The following SPATC1 variants were observed in gnomAD, a reference collection of about 807,000 sequenced individuals.
SPATC1 encodes spermatogenesis and centriole associated 1, also known as speriolin.
SPATC1 carries 35 observed loss-of-function variants against 36.5 expected under a neutral mutation model. The ratio of observed to expected loss-of-function variants is 0.96; its 90% CI spans 0.73 to 1.27. SPATC1 has a LOEUF of 1.27. Ranked by LOEUF, SPATC1 falls within the 50% of genes most tolerant of loss-of-function variation. The pLI is 0.00. For missense variants in SPATC1, 779 were observed against 796.0 expected, an observed-to-expected ratio of 0.98 and a Z score of 0.26; for synonymous variants, 361 against 353.6, an observed-to-expected ratio of 1.02 and a Z score of -0.24.
At chr8:144,014,374 AGAGGAG>A in intron 1 of SPATC1, among the ~76,000 whole-genome samples, 1 of 141,030 alleles carries the variant, frequency 7.1e-6, no homozygotes, top group East Asian at 2.0e-4. Flanking sequence ...GAAGGAAAAG[AGAGGAG>A]GAGGAGGAGA....
chr8:144,035,209 A>T (rs1834874228), intron 1 of SPATC1, among the ~76,000 whole-genome samples: 1 of 152,038 alleles, frequency 6.6e-6, no homozygotes, highest in Non-Finnish European at 1.5e-5. Flanking sequence ...TCCCCCATCA[A>T]CTCTGTCCAC....
chr8:144,032,033 ATT>A (rs1191283553), intron 1 of SPATC1, among the ~76,000 whole-genome samples: 1 of 148,736 alleles, frequency 6.7e-6, no homozygotes, highest in African/African-American at 2.5e-5. Context: ...TTCTACAAAT[ATT>A]TTTTTTTTCT....
At chr8:144,017,617 A>T (rs1440206194) in intron 1 of SPATC1, among the ~76,000 whole-genome samples, 4 of 152,206 alleles carry the variant, frequency 2.6e-5, no homozygotes, top group Non-Finnish European at 4.4e-5. Flanking sequence ...AGCTCTCTCC[A>T]ATCTACCACA....
chr8:144,012,372 C>A lies in SPATC1; in HGVS notation c.-144C>A. Reference sequence around the variant, plus strand: ...GAGAGGGCAAGGAAGAGGGCACAGCCTCTGACCTCACAATACCCAGGGCCC... The same window carrying A: ...GAGAGGGCAAGGAAGAGGGCACAGCATCTGACCTCACAATACCCAGGGCCC... On this transcript the variant is annotated 5_prime_UTR_variant, in exon 1 of 5. Transcript: ENST00000377470. 1 of 669,006 alleles carries A rather than the reference C, an allele frequency of 1.5e-6. No individual in the cohort carries two copies. The highest frequency in any genetic ancestry group is 2.6e-6 in the Non-Finnish European group (1 of 382,358). The allele number at this position is 669,006 out of a possible 1,614,324, so 41.4% of individuals were successfully genotyped here.
chr8:144,030,850 G>C (rs1259358397), intron 1 of SPATC1, among the ~76,000 whole-genome samples: 2 of 151,894 alleles, frequency 1.3e-5, no homozygotes, highest in African/African-American at 4.8e-5. Context: ...ATTTATAACA[G>C]TCTAGTTCAA....
In SPATC1 at chr8:144,037,138, G is replaced by A. The variant is rs1350908767; in HGVS notation, c.212-2771G>A. 5.5e-4 allele frequency among the ~76,000 whole-genome samples: 68 copies of A among 124,082 alleles called. 2 individuals are homozygous for A. In the South Asian group the frequency reaches 0.016, roughly 29 times the overall value. The allele number at this position is 124,082 out of a possible 152,430, so 81.4% of individuals were successfully genotyped here. ...GCCCGGCAAGCCGCCCCGTCCGGGA[G>A]GGAGGTGGGGGGGTCAGCCCCCCAC... On this transcript the variant is annotated intron_variant, in intron 1 of 4. Coordinates refer to ENST00000377470, the MANE Select transcript of SPATC1 (RefSeq NM_198572.3).
rs143042798 is a variant in SPATC1 at position 144,016,881 on chromosome 8, C to T, written c.211+4155C>T. Among the ~76,000 whole-genome samples, 55 of 152,260 alleles carry T rather than the reference C, an allele frequency of 3.6e-4. 1 individual carries two copies. Among genetic ancestry groups the T allele is most frequent in the East Asian group, 1.7e-3 (9 of 5,172 alleles). On this transcript the variant is annotated intron_variant, in intron 1 of 4. Coordinates refer to ENST00000377470, the MANE Select transcript of SPATC1 (RefSeq NM_198572.3). This position sits in a 1 kb window ranked among gnomAD's most constrained non-coding sequence, Gnocchi z 4.5. ...CTCAAACTCCCGACTTCAGGTGATC[C>T]GCCCACCTTGGCCTCCCAAAGTGCT... is the stretch of plus-strand genomic sequence containing the variant.
rs947316185 is a variant in SPATC1 at position 144,045,028 on chromosome 8, G to A, written c.1447-1599G>A. Among the ~76,000 whole-genome samples, 14 of 152,244 alleles carry A rather than the reference G, an allele frequency of 9.2e-5. No homozygotes were observed. Among genetic ancestry groups the A allele is most frequent in the African/African-American group, 3.4e-4 (14 of 41,470 alleles). The stretch of plus-strand genomic sequence containing the variant: ...TCCCCCAAGGTGGGGGCCCCTGCGT[G>A]CCCTGGTGCTCAGTGCTCACTGGGG... On this transcript the variant is annotated intron_variant, in intron 4 of 4. Transcript: ENST00000377470. This position sits in a 1 kb window ranked among gnomAD's most constrained non-coding sequence, Gnocchi z 5.2.
intron 1 of SPATC1, among the ~76,000 whole-genome samples, chr8:144,037,670 G>T (rs1260221008): frequency 1.3e-5 from 2 of 151,884 alleles, no homozygotes; most frequent in Non-Finnish European, 2.9e-5. Context: ...CAAACACTGT[G>T]GAAGGCCGCA....
At chr8:144,015,482 C>A (rs1208928800) in intron 1 of SPATC1, among the ~76,000 whole-genome samples, 2 of 150,860 alleles carry the variant, frequency 1.3e-5, no homozygotes, top group African/African-American at 4.9e-5. Flanking sequence ...TGGCTCACGC[C>A]TATAATCCCA....
In SPATC1 at chr8:144,016,361, C is replaced by CTG. The variant is rs1176124590; in HGVS notation, c.211+3648_211+3649dup. On this transcript the variant is annotated intron_variant, in intron 1 of 4. Transcript: ENST00000377470. The surrounding 1 kb of genome is among the most constrained non-coding windows in gnomAD (Gnocchi z 4.5). ...TATGGCTCTGTGTGTGTGTGAGTTG[C>CTG]TGTGTGTGTGTGTGAATGTATGTGA... Among the ~76,000 whole-genome samples the CTG allele has an allele frequency of 2.7e-5, 4 of 150,506 alleles. No homozygotes were observed. The highest frequency in any genetic ancestry group is 7.3e-5 in the African/African-American group (3 of 40,952).
intron 1 of SPATC1, among the ~76,000 whole-genome samples, chr8:144,018,877 C>CAAAAAAAAAAAAA (rs1165770098): frequency 9.3e-5 from 9 of 96,606 alleles, no homozygotes; most frequent in African/African-American, 3.3e-4. Context: ...ACTAAAAATA[C>CAAAAAAAAAAAAA]AAAAAAAAAA....
In SPATC1 at chr8:144,040,675, A is replaced by C; in HGVS notation, c.874A>C (p.Thr292Pro). The change falls in exon 3 of 5, where the codon ACA becomes CCA. Residue 292 changes from threonine (T) to proline (P), a missense_variant. By Grantham distance (38) the Thr-to-Pro change is conservative. Coordinates refer to ENST00000377470, the MANE Select transcript of SPATC1 (RefSeq NM_198572.3). ...QTSTPIGAMG[T>P]PAPKTAFSFN... ...CTCCACCCCTATCGGAGCCATGGGCACACCTGCTCCCAAGACGGCCTTCTC... is the reference window on the plus strand; with the variant it reads ...CTCCACCCCTATCGGAGCCATGGGCCCACCTGCTCCCAAGACGGCCTTCTC... The C allele has an allele frequency of 6.2e-7, 1 of 1,613,150 alleles. No homozygotes were observed. Among genetic ancestry groups the C allele is most frequent in the Non-Finnish European group, 8.5e-7 (1 of 1,179,836 alleles).
intron 1 of SPATC1, among the ~76,000 whole-genome samples, chr8:144,030,978 T>A (rs1834781647): frequency 6.6e-6 from 1 of 152,210 alleles, no homozygotes. Flanking sequence ...TTATACAGTA[T>A]GTGCACACTA....
chr8:144,022,844 T>A (rs1834567233), intron 1 of SPATC1, among the ~76,000 whole-genome samples: 1 of 151,086 alleles, frequency 6.6e-6, no homozygotes, highest in African/African-American at 2.4e-5. Context: ...CCTTCTTCCC[T>A]GAGGACCCTC....
At position 144,040,397 on chromosome 8, in the gene SPATC1, C is replaced by A; in HGVS notation, c.700C>A (p.Pro234Thr). The change falls in exon 2 of 5, where the codon CCA becomes ACA. Residue 234 changes from proline (P) to threonine (T), a missense_variant. Pro to Thr is a conservative substitution (Grantham distance 38). Transcript: ENST00000377470. ...PEAPRLRLAE[P>T]LRGGPTGPQS... Reference sequence around the variant, plus strand: ...GGCCCCAAGGCTGCGGCTGGCTGAGCCACTCCGCGGAGGCCCCACTGGGCC... The same window carrying A: ...GGCCCCAAGGCTGCGGCTGGCTGAGACACTCCGCGGAGGCCCCACTGGGCC... 6.2e-7 allele frequency: 1 copy of A among 1,611,930 alleles called. No individual in the cohort carries two copies.
chr8:144,037,471 A>C (rs1834932989), intron 1 of SPATC1, among the ~76,000 whole-genome samples: 1 of 152,088 alleles, frequency 6.6e-6, no homozygotes, highest in South Asian at 2.1e-4. Context: ...TGCCTGTACT[A>C]AGAAAAATTC....
intron 1 of SPATC1, among the ~76,000 whole-genome samples, chr8:144,025,620 T>A (rs1834661694): frequency 6.6e-6 from 1 of 152,122 alleles, no homozygotes; most frequent in South Asian, 2.1e-4. Flanking sequence ...AAGCTAACAG[T>A]GGGTGTCTGT....
At chr8:144,034,953 G>C (rs2133132364) in intron 1 of SPATC1, among the ~76,000 whole-genome samples, 1 of 152,238 alleles carries the variant, frequency 6.6e-6, no homozygotes, top group East Asian at 1.9e-4. Context: ...TCCTACACTT[G>C]ATGTAACAAT....
Sources: gnomAD v4.1 joint callset for allele counts (sites outside exome capture counted in the v4.1 genomes callset) on GRCh38, gnomAD v4.1.1 for gene constraint, Gnocchi (gnomAD v3.1) non-coding constraint, MANE v1.5 for transcripts, NCBI Gene and HGNC (gene_info 2026-07-23, HGNC 2026-07-21) for gene names.